TIMP2: variants seen among roughly 807,000 people sequenced by gnomAD.
The protein encoded by TIMP2 is TIMP metallopeptidase inhibitor 2, also known as metalloproteinase inhibitor 2.
TIMP2 carries 5 observed loss-of-function variants against 24.3 expected under a neutral mutation model. The observed-to-expected ratio is 0.21, with a 90% CI of 0.11 to 0.43. TIMP2 has a LOEUF of 0.43. Among genes scored for constraint, TIMP2 ranks in the 20% least tolerant of loss-of-function variants. The pLI, the probability that TIMP2 is intolerant of heterozygous loss-of-function variation, is 1.00. For missense variants in TIMP2, 221 were observed against 297.5 expected (o/e 0.74, Z 1.89); for synonymous variants, 130 against 123.2 (o/e 1.06, Z -0.37).
chr17:78,924,213 G>T lies in TIMP2; in HGVS notation c.130+746C>A, dbSNP rs1010251896. Among the ~76,000 whole-genome samples the T allele has an allele frequency of 3.3e-5, 5 of 152,224 alleles. No homozygotes were observed. Among genetic ancestry groups the T allele is most frequent in the African/African-American group, 1.2e-4 (5 of 41,470 alleles). On this transcript the variant is annotated intron_variant, in intron 1 of 4. Coordinates refer to ENST00000262768, the MANE Select transcript of TIMP2 (RefSeq NM_003255.5). The surrounding 1 kb of genome is among the most constrained non-coding windows in gnomAD (Gnocchi z 5.3). ...AGGAGTCCGGAGGTCATGGGTATTT[G>T]CTGGGGAATCTGAGCAGCAGCACAG... is the stretch of plus-strand genomic sequence containing the variant.
intron 1 of TIMP2, among the ~76,000 whole-genome samples, chr17:78,885,135 C>T (rs999258284): frequency 4.6e-5 from 7 of 152,356 alleles, no homozygotes; most frequent in African/African-American, 1.4e-4. Context: ...GGGCGACCCA[C>T]GCACCACTGC....
intron 2 of TIMP2, among the ~76,000 whole-genome samples, chr17:78,872,021 T>A (rs1368434083): frequency 6.6e-6 from 1 of 151,968 alleles, no homozygotes; most frequent in Admixed American, 6.6e-5. Context: ...AGGAATTTTT[T>A]ATTTTTTTGA....
In TIMP2 at chr17:78,857,658, CG is replaced by C. The variant is rs1160985214; in HGVS notation, c.341-13del. 1 of 1,613,806 alleles carries C rather than the reference CG, an allele frequency of 6.2e-7. No individual in the cohort carries two copies. The highest frequency in any genetic ancestry group is 8.5e-7 in the Non-Finnish European group (1 of 1,179,988). On this transcript the variant is annotated splice_polypyrimidine_tract_variant and intron_variant, in intron 3 of 4. Coordinates refer to ENST00000262768, the MANE Select transcript of TIMP2 (RefSeq NM_003255.5). ...CCCCTCGGCCTTTCCTGCGGAGAGA[CG>C]GGGATCACCGAGCTCAGGGAGAGGG...
intron 1 of TIMP2, among the ~76,000 whole-genome samples, chr17:78,911,396 T>C (rs2070205624): frequency 6.6e-6 from 1 of 152,108 alleles, no homozygotes; most frequent in African/African-American, 2.4e-5. Context: ...ACTAACTAAC[T>C]ATTGAGCCCC....
chr17:78,857,569 G>T lies in TIMP2; in HGVS notation c.418C>A (p.Gln140Lys), dbSNP rs2069533723. 1 of 1,614,198 alleles carries T rather than the reference G, an allele frequency of 6.2e-7. No individual in the cohort carries two copies. Among genetic ancestry groups the T allele is most frequent in the Non-Finnish European group, 8.5e-7 (1 of 1,180,030 alleles). The stretch of plus-strand genomic sequence containing the variant: ...TACCTGTGGTTCAGGCTCTTCTTCT[G>T]GGTGGTGCTCAGGGTGTCCCAGGGC... ...IVPWDTLSTT[Q>K]KKSLNHRYQM... is the part of the protein sequence containing the mutation. Residue 140 changes from glutamine (Q) to lysine (K), a missense_variant, in exon 4 of 5, where the codon CAG (glutamine) becomes AAG (lysine). Physicochemically the swap from Gln to Lys is moderately conservative, Grantham distance 53 (BLOSUM62 1). Transcript: ENST00000262768.
At chr17:78,910,493 T>C (rs893490334) in intron 1 of TIMP2, among the ~76,000 whole-genome samples, 4 of 152,212 alleles carry the variant, frequency 2.6e-5, no homozygotes, top group Non-Finnish European at 5.9e-5. Flanking sequence ...GCCTGGCCTA[T>C]TGTTAATTAC....
chr17:78,893,428 CAGGG>C (rs2069947107), intron 1 of TIMP2, among the ~76,000 whole-genome samples: 2 of 68,216 alleles, frequency 2.9e-5, no homozygotes, highest in South Asian at 5.2e-4. Context: ...GGTGTGTGTG[CAGGG>C]GTGTGTGCGT....
intron 3 of TIMP2, among the ~76,000 whole-genome samples, chr17:78,857,937 T>G (rs112560229): frequency 0.069 from 10,434 of 151,736 alleles, 1,130 homozygotes; most frequent in African/African-American, 0.23. Context: ...GGGTGTGGTG[T>G]CACACGCCTG....
chr17:78,923,243 C>G (rs1015488234), intron 1 of TIMP2, among the ~76,000 whole-genome samples: 1 of 152,042 alleles, frequency 6.6e-6, no homozygotes, highest in Non-Finnish European at 1.5e-5. Flanking sequence ...GGGAGGCACG[C>G]ACTGCAGCCC....
chr17:78,865,379 C>G (rs946775466), intron 3 of TIMP2, among the ~76,000 whole-genome samples: 3 of 152,004 alleles, frequency 2.0e-5, no homozygotes, highest in Non-Finnish European at 4.4e-5. Context: ...AATCCCAGCA[C>G]TTTGGGAGGC....
At chr17:78,915,623 G>C (rs1399391404) in intron 1 of TIMP2, among the ~76,000 whole-genome samples, 1 of 151,870 alleles carries the variant, frequency 6.6e-6, no homozygotes, top group Non-Finnish European at 1.5e-5. Flanking sequence ...AGGTTCAAGC[G>C]ATTCTCATGC....
intron 3 of TIMP2, among the ~76,000 whole-genome samples, chr17:78,868,969 A>G (rs1467220780): frequency 1.3e-5 from 2 of 152,310 alleles, no homozygotes; most frequent in South Asian, 4.1e-4. Context: ...TGAATATCCT[A>G]TAATGCATAA....
At chr17:78,914,260 C>CATTCATTT (rs746218920) in intron 1 of TIMP2, among the ~76,000 whole-genome samples, 7 of 97,100 alleles carry the variant, frequency 7.2e-5, no homozygotes, top group East Asian at 4.7e-4. Flanking sequence ...TTTGGCTATT[C>CATTCATTT]ATTTATTTAT....
intron 3 of TIMP2, among the ~76,000 whole-genome samples, chr17:78,866,081 G>A (rs549529866): frequency 6.6e-6 from 1 of 152,286 alleles, no homozygotes; most frequent in African/African-American, 2.4e-5. Flanking sequence ...TGTCTCTCCA[G>A]ATTTTATTTT....
chr17:78,860,024 A>C (rs187570880), intron 3 of TIMP2, among the ~76,000 whole-genome samples: 1 of 151,696 alleles, frequency 6.6e-6, no homozygotes, highest in Non-Finnish European at 1.5e-5. Context: ...AAAATACAAA[A>C]AATTAGCCGG....
At chr17:78,864,848 T>C (rs571077867) in intron 3 of TIMP2, among the ~76,000 whole-genome samples, 2 of 152,050 alleles carry the variant, frequency 1.3e-5, no homozygotes, top group East Asian at 3.9e-4. Flanking sequence ...GGTCAGGAGT[T>C]CAAGACCAGC....
intron 1 of TIMP2, among the ~76,000 whole-genome samples, chr17:78,879,864 T>C (rs1282409556): frequency 7.0e-6 from 1 of 143,652 alleles, no homozygotes; most frequent in African/African-American, 2.5e-5. Flanking sequence ...CACCATATGA[T>C]GTCACTTCCC....
intron 1 of TIMP2, among the ~76,000 whole-genome samples, chr17:78,880,144 C>A (rs1484323764): frequency 6.6e-6 from 1 of 152,186 alleles, no homozygotes; most frequent in Non-Finnish European, 1.5e-5. Flanking sequence ...GCACTCTCCA[C>A]AGACTCCAAC....
intron 1 of TIMP2, among the ~76,000 whole-genome samples, chr17:78,908,820 T>C (rs2070183111): frequency 6.6e-6 from 1 of 152,196 alleles, no homozygotes; most frequent in Non-Finnish European, 1.5e-5. Flanking sequence ...CTGGGCCAAG[T>C]GGACAAGACC....
Sources: gnomAD v4.1 joint callset for allele counts (sites outside exome capture counted in the v4.1 genomes callset) on GRCh38, gnomAD v4.1.1 for gene constraint, Gnocchi (gnomAD v3.1) non-coding constraint, MANE v1.5 for transcripts, NCBI Gene and HGNC (gene_info 2026-07-23, HGNC 2026-07-21) for gene names.